Variants in B3GALT1 observed in about 807,000 individuals in gnomAD.
B3GALT1 encodes the protein beta-1,3-galactosyltransferase 1.
B3GALT1 carries 10 observed loss-of-function variants against 23.2 expected under a neutral mutation model. That is an observed-to-expected ratio of 0.43 (90% CI 0.27 to 0.73). The LOEUF is 0.73. B3GALT1 is among the 30% of genes least tolerant of loss of function. The pLI, the probability that B3GALT1 is intolerant of heterozygous loss-of-function variation, is 0.21. For missense variants in B3GALT1, 299 were observed against 405.4 expected (o/e 0.74, Z 2.25); for synonymous variants, 156 against 141.5 (o/e 1.10, Z -0.73).
At chr2:167,797,700 ATTTTG>A (rs200510712) in intron 3 of B3GALT1, among the ~76,000 whole-genome samples, 4,080 of 150,766 alleles carry the variant, frequency 0.027, 79 homozygotes, top group South Asian at 0.069. Context: ...CTCATTGTGG[ATTTTG>A]TTTTGTTTTG....
intron 1 of B3GALT1, among the ~76,000 whole-genome samples, chr2:167,418,694 T>G (rs370027790): frequency 2.4e-5 from 3 of 123,374 alleles, no homozygotes; most frequent in African/African-American, 5.9e-5. Flanking sequence ...TTTTTTTTTT[T>G]GAAATGGAGT....
chr2:167,656,028 G>A (rs529676464), intron 3 of B3GALT1, among the ~76,000 whole-genome samples: 5 of 152,240 alleles, frequency 3.3e-5, no homozygotes, highest in African/African-American at 1.2e-4. Context: ...GTCTCCTGAT[G>A]ACAGTGACAG....
At chr2:167,301,301 A>G (rs1024265124) in intron 1 of B3GALT1, among the ~76,000 whole-genome samples, 3 of 152,204 alleles carry the variant, frequency 2.0e-5, no homozygotes, top group Non-Finnish European at 2.9e-5. Context: ...TCAAAAGAAA[A>G]TGAGAGAAAA....
chr2:167,742,722 T>G (rs1179984335), intron 3 of B3GALT1, among the ~76,000 whole-genome samples: 1 of 152,170 alleles, frequency 6.6e-6, no homozygotes, highest in Non-Finnish European at 1.5e-5. Context: ...AGATTTTTAT[T>G]ATATAGTATT....
chr2:167,652,857 A>G lies in B3GALT1; in HGVS notation c.-352+5891A>G, dbSNP rs564355061. On this transcript the variant is annotated intron_variant, in intron 3 of 4. Coordinates refer to ENST00000392690, the MANE Select transcript of B3GALT1 (RefSeq NM_020981.4). Reference sequence around the variant, plus strand: ...TGTATGTCTTTCTTTTTATCACTAAATGCCACATTTTCATACATCTTTTAA... The same window carrying G: ...TGTATGTCTTTCTTTTTATCACTAAGTGCCACATTTTCATACATCTTTTAA... 1.2e-3 allele frequency among the ~76,000 whole-genome samples: 186 copies of G among 152,286 alleles called. 1 individual carries two copies. The highest frequency in any genetic ancestry group is 4.4e-3 in the African/African-American group (182 of 41,568).
intron 1 of B3GALT1, among the ~76,000 whole-genome samples, chr2:167,458,206 A>G (rs1370750207): frequency 6.6e-6 from 1 of 152,154 alleles, no homozygotes; most frequent in African/African-American, 2.4e-5. Context: ...GTGGAATCTT[A>G]TAGTATTTGT....
At chr2:167,412,699 T>C (rs1360477539) in intron 1 of B3GALT1, among the ~76,000 whole-genome samples, 1 of 152,092 alleles carries the variant, frequency 6.6e-6, no homozygotes, top group East Asian at 1.9e-4. Context: ...GTTGAACATA[T>C]TGTATATTCC....
intron 4 of B3GALT1, among the ~76,000 whole-genome samples, chr2:167,868,489 T>TAAA (rs71397619): frequency 2.1e-5 from 3 of 141,840 alleles, no homozygotes; most frequent in African/African-American, 5.1e-5. Context: ...ATGTCACTGT[T>TAAA]AAAAAAAAAA....
chr2:167,515,124 A>G (rs945199336), intron 2 of B3GALT1, among the ~76,000 whole-genome samples: 1 of 152,142 alleles, frequency 6.6e-6, no homozygotes, highest in Admixed American at 6.5e-5. Context: ...ATCATCTTCA[A>G]TGATATAGCA....
At chr2:167,522,916 G>T (rs951037060) in intron 2 of B3GALT1, among the ~76,000 whole-genome samples, 1 of 152,108 alleles carries the variant, frequency 6.6e-6, no homozygotes, top group South Asian at 2.1e-4. Flanking sequence ...AAGCATGAAG[G>T]TGCTTTCAAA....
intron 3 of B3GALT1, among the ~76,000 whole-genome samples, chr2:167,813,952 T>C (rs1056864891): frequency 6.6e-6 from 1 of 151,032 alleles, no homozygotes; most frequent in African/African-American, 2.4e-5. Flanking sequence ...TCTTGGCTAA[T>C]GTATCTAAAA....
At chr2:167,350,540 T>C (rs1697293757) in intron 1 of B3GALT1, among the ~76,000 whole-genome samples, 1 of 152,322 alleles carries the variant, frequency 6.6e-6, no homozygotes, top group East Asian at 1.9e-4. Context: ...TTGCATTGCA[T>C]GCAGATAACT....
chr2:167,579,123 CTAA>C (rs1032933753), intron 2 of B3GALT1, among the ~76,000 whole-genome samples: 18 of 152,054 alleles, frequency 1.2e-4, no homozygotes, highest in Admixed American at 6.6e-5. Context: ...TCTTTGCCTA[CTAA>C]TAAGTCTTCA....
At chr2:167,683,182 T>C (rs1176334020) in intron 3 of B3GALT1, among the ~76,000 whole-genome samples, 1 of 152,226 alleles carries the variant, frequency 6.6e-6, no homozygotes, top group Non-Finnish European at 1.5e-5. Context: ...AGAATATTTA[T>C]GATCATTTGT....
At chr2:167,764,907 G>C (rs994887956) in intron 3 of B3GALT1, among the ~76,000 whole-genome samples, 2 of 152,132 alleles carry the variant, frequency 1.3e-5, no homozygotes, top group Non-Finnish European at 2.9e-5. Flanking sequence ...ACAAAGGCCA[G>C]AGAAAAGGAG....
intron 3 of B3GALT1, among the ~76,000 whole-genome samples, chr2:167,711,824 T>A (rs534073246): frequency 6.6e-6 from 1 of 152,044 alleles, no homozygotes; most frequent in East Asian, 1.9e-4. Context: ...AAAAATTAGC[T>A]GGGTGTGGTG....
At chr2:167,300,686 T>C (rs1218063807) in intron 1 of B3GALT1, among the ~76,000 whole-genome samples, 3 of 152,146 alleles carry the variant, frequency 2.0e-5, no homozygotes, top group African/African-American at 7.2e-5. Flanking sequence ...ATGATTAATA[T>C]ATGGTTCTGG....
chr2:167,466,775 T>G (rs1206143239), intron 1 of B3GALT1, among the ~76,000 whole-genome samples: 32 of 104,610 alleles, frequency 3.1e-4, no homozygotes, highest in Non-Finnish European at 3.1e-4. Flanking sequence ...TGCAGTGGTG[T>G]GATCTTGGCT....
At chr2:167,743,815 C>T (rs1391106339) in intron 3 of B3GALT1, among the ~76,000 whole-genome samples, 1 of 152,022 alleles carries the variant, frequency 6.6e-6, no homozygotes, top group Non-Finnish European at 1.5e-5. Context: ...TTTCTTATTC[C>T]AGTGGTTTTT....
Sources: gnomAD v4.1 joint callset for allele counts (sites outside exome capture counted in the v4.1 genomes callset) on GRCh38, gnomAD v4.1.1 for gene constraint, MANE v1.5 for transcripts, NCBI Gene and HGNC (gene_info 2026-07-23, HGNC 2026-07-21) for gene names.